Variants in FIRRM observed in about 807,000 individuals in gnomAD.
FIRRM encodes the protein FIGNL1-interacting regulator of recombination and mitosis.
chr1:169,827,950 A>G, the FIRRM span: 1 of 1,166,962 alleles, frequency 8.6e-7, no homozygotes, highest in Non-Finnish European at 1.2e-6. Context: ...TCAGATATTT[A>G]TGTTAATAGT....
the FIRRM span, chr1:169,829,269 T>C: frequency 3.2e-6 from 5 of 1,570,972 alleles, no homozygotes; most frequent in Non-Finnish European, 4.3e-6. Flanking sequence ...GCAGGATATC[T>C]CTACTCAAAG....
chr1:169,790,514 T>C, the FIRRM span, among the ~76,000 whole-genome samples: 1 of 152,048 alleles, frequency 6.6e-6, no homozygotes, highest in African/African-American at 2.4e-5. Flanking sequence ...CCCCAAATTA[T>C]CTAGTTCCCA....
the FIRRM span, among the ~76,000 whole-genome samples, chr1:169,820,793 GGTTT>G: frequency 1.3e-5 from 2 of 152,090 alleles, no homozygotes; most frequent in African/African-American, 2.4e-5. Context: ...GTCCCTACAG[GGTTT>G]GCCAGGAAGT....
At chr1:169,801,914 C>G in the FIRRM span, among the ~76,000 whole-genome samples, 2 of 152,166 alleles carry the variant, frequency 1.3e-5, no homozygotes, top group East Asian at 3.9e-4. Context: ...AGAATTTGTT[C>G]TTGACCACCA....
At chr1:169,853,588 T>A in the FIRRM span, 2 of 963,380 alleles carry the variant, frequency 2.1e-6, no homozygotes, top group Non-Finnish European at 3.2e-6. Context: ...GACTGGATAA[T>A]GAGCTCCTGG....
the FIRRM span, among the ~76,000 whole-genome samples, chr1:169,849,204 TGCAAA>T: frequency 2.0e-5 from 3 of 152,132 alleles, no homozygotes; most frequent in Non-Finnish European, 4.4e-5. Context: ...AAACCTGAAA[TGCAAA>T]GCACTGGAGA....
the FIRRM span, chr1:169,793,252 T>G: frequency 1.2e-6 from 2 of 1,614,188 alleles, no homozygotes; most frequent in Non-Finnish European, 1.7e-6. Context: ...AAAAGCTTTT[T>G]GAAACTATGT....
chr1:169,809,968 T>C, the FIRRM span, among the ~76,000 whole-genome samples: 2 of 152,206 alleles, frequency 1.3e-5, no homozygotes, highest in Non-Finnish European at 2.9e-5. Flanking sequence ...TCTCTCACAG[T>C]TCTGGAAGCT....
At chr1:169,798,244 G>A in the FIRRM span, among the ~76,000 whole-genome samples, 3 of 151,528 alleles carry the variant, frequency 2.0e-5, no homozygotes, top group East Asian at 1.9e-4. Context: ...TCATGTCACC[G>A]CACTCCATCC....
chr1:169,791,267 A>T, the FIRRM span, among the ~76,000 whole-genome samples: 1 of 152,346 alleles, frequency 6.6e-6, no homozygotes, highest in Admixed American at 6.5e-5. Context: ...ATCTGATGAG[A>T]TATAAATTAT....
chr1:169,832,294 A>G, the FIRRM span: 1 of 612,804 alleles, frequency 1.6e-6, no homozygotes, highest in Non-Finnish European at 2.9e-6. Flanking sequence ...TTAAAAGTCA[A>G]TATTACCTAC....
chr1:169,800,052 C>T, the FIRRM span, among the ~76,000 whole-genome samples: 1 of 151,924 alleles, frequency 6.6e-6, no homozygotes, highest in Non-Finnish European at 1.5e-5. Context: ...TTTTGGGGGA[C>T]AGGGTCTTGC....
the FIRRM span, among the ~76,000 whole-genome samples, chr1:169,789,197 C>T: frequency 6.6e-6 from 1 of 152,200 alleles, no homozygotes. Flanking sequence ...TTCAAAATGT[C>T]CCAGCTGAAG....
At chr1:169,832,568 C>G in the FIRRM span, 1 of 1,102,714 alleles carries the variant, frequency 9.1e-7, no homozygotes, top group Admixed American at 2.1e-5. Context: ...ATTCAGACTC[C>G]TTTGATAGCC....
the FIRRM span, chr1:169,803,442 C>T: frequency 1.1e-6 from 1 of 926,960 alleles, no homozygotes; most frequent in South Asian, 3.8e-5. Context: ...GAATAAAGAA[C>T]ATGTAAGTAA....
chr1:169,829,330 C>T, the FIRRM span: 1 of 1,613,514 alleles, frequency 6.2e-7, no homozygotes. Flanking sequence ...TCTACCTGTT[C>T]ATTTACAGGG....
At chr1:169,805,937 A>G in the FIRRM span, 1 of 869,666 alleles carries the variant, frequency 1.1e-6, no homozygotes, top group Non-Finnish European at 1.9e-6. Flanking sequence ...AGATAGTTTT[A>G]ATTATAGGAG....
the FIRRM span, chr1:169,852,625 T>C: frequency 1.5e-6 from 1 of 665,816 alleles, no homozygotes; most frequent in African/African-American, 1.8e-5. Flanking sequence ...AAAATGCCTT[T>C]ACATATTTTT....
chr1:169,825,382 T>C, the FIRRM span, among the ~76,000 whole-genome samples: 1 of 152,270 alleles, frequency 6.6e-6, no homozygotes, highest in Non-Finnish European at 1.5e-5. Context: ...TATTTACTTG[T>C]ACACTTGTCT....
Sources: allele counts gnomAD v4.1 joint callset (sites outside exome capture counted in the v4.1 genomes callset), GRCh38; gene constraint gnomAD v4.1.1; transcripts MANE v1.5; gene names NCBI Gene and HGNC (gene_info 2026-07-23, HGNC 2026-07-21).